KDM6A: variants seen among roughly 807,000 people sequenced by gnomAD.
KDM6A encodes the protein lysine-specific demethylase 6A.
In KDM6A, 11 loss-of-function variants were observed where a neutral mutation model predicts 117.6. The ratio of observed to expected loss-of-function variants is 0.09; its 90% CI spans 0.06 to 0.15. The LOEUF (loss-of-function observed/expected upper bound fraction) is 0.15, where lower values mean the gene tolerates loss of function less well. KDM6A is among the 10% of genes least tolerant of loss of function. The probability of loss-of-function intolerance (pLI) is 1.00; values close to 1 mark genes in which losing one functional copy is unlikely to be tolerated. For missense variants in KDM6A, 799 were observed against 1,077.3 expected (o/e 0.74, Z 3.62); for synonymous variants, 384 against 396.1 (o/e 0.97, Z 0.36).
rs750891389 is a variant in KDM6A at position 45,082,589 on chromosome X, AAAG to A, written c.3318_3320del (p.Arg1106del). 3.4e-6 allele frequency: 4 copies of A among 1,191,125 alleles called. No homozygotes were observed. Among genetic ancestry groups the A allele is most frequent in the Non-Finnish European group, 4.5e-6 (4 of 879,400 alleles). ...CTTAATCTATAGGAAGAAAATGAAA[AAAG>A]AAGTCATCATAAAGACCACTCAGAT... On this transcript the variant is annotated inframe_deletion, in exon 22 of 30. Coordinates refer to ENST00000611820, the MANE Select transcript of KDM6A (RefSeq NM_001291415.2).
chrX:44,948,386 C>G (rs1178770512), intron 2 of KDM6A, among the ~76,000 whole-genome samples: 1 of 111,744 alleles, frequency 8.9e-6, no homozygotes, highest in Non-Finnish European at 1.9e-5. Context: ...AGAAACAGAG[C>G]TGTGTGTGCA....
At chrX:44,907,434 C>T (rs1169871890) in intron 2 of KDM6A, among the ~76,000 whole-genome samples, 2 of 105,278 alleles carry the variant, frequency 1.9e-5, no homozygotes, top group Non-Finnish European at 3.9e-5. Flanking sequence ...TGTGCCACCA[C>T]GCCCGGCTAA....
intron 27 of KDM6A, among the ~76,000 whole-genome samples, chrX:45,098,347 G>A (rs2046196695): frequency 8.9e-6 from 1 of 112,582 alleles, no homozygotes; most frequent in African/African-American, 3.2e-5. Flanking sequence ...TAAATTAGAA[G>A]GTAATTGCTC....
chrX:44,928,725 CAT>C (rs2046354480), intron 2 of KDM6A, among the ~76,000 whole-genome samples: 2 of 110,941 alleles, frequency 1.8e-5, no homozygotes, highest in African/African-American at 6.6e-5. Flanking sequence ...ATTTTCTACA[CAT>C]GTGCTACCTA....
At chrX:44,981,797 C>T (rs897437389) in intron 4 of KDM6A, among the ~76,000 whole-genome samples, 1 of 111,766 alleles carries the variant, frequency 8.9e-6, no homozygotes, top group African/African-American at 3.3e-5. Context: ...AAGAGACACT[C>T]AGGGCTGGGC....
intron 2 of KDM6A, among the ~76,000 whole-genome samples, chrX:44,949,272 G>A (rs1471363736): frequency 9.0e-6 from 1 of 110,949 alleles, no homozygotes; most frequent in African/African-American, 3.3e-5. Context: ...GTGCGTTCCT[G>A]TAGTTCCAGC....
At chrX:45,093,311 G>A (rs1229026879) in intron 27 of KDM6A, among the ~76,000 whole-genome samples, 1 of 106,788 alleles carries the variant, frequency 9.4e-6, no homozygotes, top group Non-Finnish European at 1.9e-5. Flanking sequence ...GGGGCGGGGG[G>A]TTGCAGTGAG....
intron 4 of KDM6A, among the ~76,000 whole-genome samples, chrX:45,003,401 T>C (rs1342410916): frequency 2.8e-5 from 3 of 106,131 alleles, no homozygotes; most frequent in African/African-American, 1.0e-4. Context: ...CTTCTTTTTT[T>C]TTTTTTTTTT....
intron 5 of KDM6A, among the ~76,000 whole-genome samples, chrX:45,012,640 A>G: frequency 8.9e-6 from 1 of 111,818 alleles, no homozygotes; most frequent in South Asian, 3.7e-4. Context: ...TCATATACCT[A>G]TTGGGCACCC....
chrX:44,943,288 T>C (rs2037440620), intron 2 of KDM6A, among the ~76,000 whole-genome samples: 1 of 111,231 alleles, frequency 9.0e-6, no homozygotes, highest in African/African-American at 3.3e-5. Context: ...TGTTGTCTCT[T>C]AAGTGTGTAA....
intron 2 of KDM6A, among the ~76,000 whole-genome samples, chrX:44,928,537 C>T (rs1396889492): frequency 8.9e-6 from 1 of 112,113 alleles, no homozygotes; most frequent in Non-Finnish European, 1.9e-5. Flanking sequence ...GAGAGACCTT[C>T]AAGCAATGTA....
rs1345115945 is a variant in KDM6A at position 44,873,958 on chromosome X, G to A, written c.196G>A (p.Gly66Ser). The change falls in exon 2 of 30, where the codon GGC becomes AGC. Residue 66 changes from glycine to serine, a missense_variant. Physicochemically the swap from Gly to Ser is moderately conservative, Grantham distance 56. This residue lies in a region of KDM6A where 89 missense variants were observed against 117.8 expected (regional missense o/e 0.76). Coordinates refer to ENST00000611820, the MANE Select transcript of KDM6A (RefSeq NM_001291415.2). ...TGGGTTCGTGAGATTTCATGAAGATGGCGCCAGGACGAAGGCCCTACTGGG... is the reference window on the plus strand; with the variant it reads ...TGGGTTCGTGAGATTTCATGAAGATAGCGCCAGGACGAAGGCCCTACTGGG... Reference protein sequence around the residue: ...LFGFVRFHEDGARTKALLGKA... With the variant: ...LFGFVRFHEDSARTKALLGKA... 5.0e-6 allele frequency: 6 copies of A among 1,210,154 alleles called. No homozygotes were observed. The highest frequency in any genetic ancestry group is 6.7e-6 in the Non-Finnish European group (6 of 894,797).
chrX:44,873,983 G>T lies in KDM6A; in HGVS notation c.221G>T (p.Gly74Val), dbSNP rs2146448681. The change falls in exon 2 of 30, where the codon GGC (glycine) becomes GTC (valine). Residue 74 changes from glycine to valine, a missense_variant. By Grantham distance (109) the Gly-to-Val change is moderately radical. Around this residue, in one of 8 missense-constraint regions of KDM6A, gnomAD observed 89 missense variants for 117.8 expected, o/e 0.76. Coordinates refer to ENST00000611820, the MANE Select transcript of KDM6A (RefSeq NM_001291415.2). ...EDGARTKALLGKAVRCYESLI... is the reference protein window; with the variant it reads ...EDGARTKALLVKAVRCYESLI... ...GGCGCCAGGACGAAGGCCCTACTGG[G>T]CAAGGTAAGGCAGCTGCGAGTCGGA... 8.3e-7 allele frequency: 1 copy of T among 1,209,273 alleles called. No homozygotes were observed.
At chrX:44,964,430 C>T in intron 3 of KDM6A, among the ~76,000 whole-genome samples, 1 of 89,571 alleles carries the variant, frequency 1.1e-5, no homozygotes, top group South Asian at 5.8e-4. Flanking sequence ...GCCTGGGTGA[C>T]AGAGTGAGAC....
rs1451759079 is a variant in KDM6A, at chrX:45,083,104, T to C, written c.3440+315T>C. The stretch of plus-strand genomic sequence containing the variant: ...CTGCACCCTGCCAAATTTTTTTTTT[T>C]ACTTAAAACTTTTCTGCAGTTTTTC... On this transcript the variant is annotated intron_variant, in intron 23 of 29. Transcript: ENST00000611820. Among the ~76,000 whole-genome samples, 3 of 110,663 alleles carry C rather than the reference T, an allele frequency of 2.7e-5. No individual in the cohort carries two copies. In the South Asian group the frequency reaches 1.1e-3, roughly 42 times the overall value.
intron 2 of KDM6A, among the ~76,000 whole-genome samples, chrX:44,900,174 C>G (rs1022230686): frequency 8.9e-6 from 1 of 112,280 alleles, no homozygotes; most frequent in Non-Finnish European, 1.9e-5. Context: ...TATAACATAA[C>G]ATTCTGCTCC....
At chrX:45,058,869 A>G in intron 10 of KDM6A, 137 bp from the exon 11 acceptor site, 1 of 522,123 alleles carries the variant, frequency 1.9e-6, no homozygotes, top group Admixed American at 2.9e-5. Context: ...ATATACATAC[A>G]TACACATAAA....
chrX:45,060,556 A>G (rs2044249901), intron 13 of KDM6A, 53 bp from the exon 14 acceptor site: 2 of 904,838 alleles, frequency 2.2e-6, no homozygotes, highest in African/African-American at 2.0e-5. Flanking sequence ...ATTTGAAGGA[A>G]TGAATTAAGA....
At chrX:45,110,308 C>A (rs2046719331) in intron 29 of KDM6A, 59 bp downstream of exon 29, 1 of 995,733 alleles carries the variant, frequency 1.0e-6, no homozygotes, top group Non-Finnish European at 1.4e-6. Flanking sequence ...GCAGTGTTTG[C>A]TCTGCCACCT....
Sources: allele counts gnomAD v4.1 joint callset (sites outside exome capture counted in the v4.1 genomes callset), GRCh38; gene constraint gnomAD v4.1.1; regional missense constraint gnomAD v4.1.1; transcripts MANE v1.5; gene names NCBI Gene and HGNC (gene_info 2026-07-23, HGNC 2026-07-21).